HIPK2: variants seen among roughly 807,000 people sequenced by gnomAD.
HIPK2 encodes homeodomain interacting protein kinase 2.
In HIPK2, 27 loss-of-function variants were observed where a neutral mutation model predicts 113.7. The observed-to-expected ratio is 0.24, with a 90% CI of 0.17 to 0.33. HIPK2 has a LOEUF of 0.33. Among genes scored for constraint, HIPK2 ranks in the 10% least tolerant of loss-of-function variants. The probability of loss-of-function intolerance (pLI) is 1.00; values close to 1 mark genes in which losing one functional copy is unlikely to be tolerated. For synonymous variants in HIPK2, 631 were observed against 642.2 expected (o/e 0.98, Z 0.26); for missense variants, 1,257 against 1,588.0 (o/e 0.79, Z 3.54).
At chr7:139,588,573 A>G (rs1798914993) in intron 12 of HIPK2, among the ~76,000 whole-genome samples, 1 of 151,994 alleles carries the variant, frequency 6.6e-6, no homozygotes, top group Non-Finnish European at 1.5e-5. Flanking sequence ...ATCTCGAAAT[A>G]TTTTATAAAT....
chr7:139,675,497 C>T (rs1362245432), intron 2 of HIPK2, among the ~76,000 whole-genome samples: 17 of 152,094 alleles, frequency 1.1e-4, no homozygotes, highest in Non-Finnish European at 1.0e-4. Context: ...TTCTCACATG[C>T]GGACTCGACA....
chr7:139,665,662 C>T (rs1802024948), intron 2 of HIPK2, among the ~76,000 whole-genome samples: 1 of 152,148 alleles, frequency 6.6e-6, no homozygotes, highest in Non-Finnish European at 1.5e-5. Context: ...CAGAAATCTA[C>T]AAGCATTCTT....
intron 1 of HIPK2, among the ~76,000 whole-genome samples, chr7:139,733,193 C>A (rs1795845349): frequency 6.6e-6 from 1 of 152,152 alleles, no homozygotes; most frequent in South Asian, 2.1e-4. Flanking sequence ...TCTTGTACAG[C>A]CTGCAGAACC....
chr7:139,651,900 G>A (rs1801474817), intron 2 of HIPK2, among the ~76,000 whole-genome samples: 1 of 152,144 alleles, frequency 6.6e-6, no homozygotes, highest in Non-Finnish European at 1.5e-5. Flanking sequence ...GACCTCCGTG[G>A]AGAGGAACTG....
chr7:139,773,527 T>G (rs1383513377), intron 1 of HIPK2, among the ~76,000 whole-genome samples: 1 of 152,104 alleles, frequency 6.6e-6, no homozygotes, highest in African/African-American at 2.4e-5. Context: ...CAATAAGAAA[T>G]GCTCACATAT....
chr7:139,664,289 C>T (rs1266673135), intron 2 of HIPK2, among the ~76,000 whole-genome samples: 1 of 152,094 alleles, frequency 6.6e-6, no homozygotes, highest in Non-Finnish European at 1.5e-5. Flanking sequence ...GTAATCCCAG[C>T]AACTTTGGGA....
At chr7:139,601,649 C>T (rs187269754) in intron 10 of HIPK2, among the ~76,000 whole-genome samples, 23 of 152,278 alleles carry the variant, frequency 1.5e-4, no homozygotes, top group Non-Finnish European at 2.6e-4. Context: ...ATCCTAAAAA[C>T]GGGTTATGTT....
rs1321674764 is a variant in HIPK2 at position 139,568,585 on chromosome 7, C to T, written c.*4342G>A. 6.6e-6 allele frequency: 1 copy of T among 152,254 alleles called. No individual in the cohort carries two copies. Among genetic ancestry groups the T allele is most frequent in the Non-Finnish European group, 1.5e-5 (1 of 68,070 alleles). The allele number at this position is 152,254 out of a possible 1,614,324, so 9.4% of individuals were successfully genotyped here. ...TGACATTTCAAATCTTCCCCTCTTC[C>T]TCTGAACAATGTCTCTTCAAATGGG... On this transcript the variant is annotated 3_prime_UTR_variant, in exon 15 of 15. Transcript: ENST00000406875.
chr7:139,758,866 A>G (rs1569485334), intron 1 of HIPK2, among the ~76,000 whole-genome samples: 1 of 152,210 alleles, frequency 6.6e-6, no homozygotes. Context: ...AAAAAGTAAA[A>G]TTACAAAAGT....
At chr7:139,579,787 G>A (rs1349775577) in intron 13 of HIPK2, among the ~76,000 whole-genome samples, 1 of 152,148 alleles carries the variant, frequency 6.6e-6, no homozygotes, top group Non-Finnish European at 1.5e-5. Context: ...GCTATTCAGA[G>A]GCCGCAAATC....
intron 1 of HIPK2, among the ~76,000 whole-genome samples, chr7:139,735,750 C>T (rs1212312604): frequency 1.3e-5 from 2 of 152,168 alleles, no homozygotes; most frequent in Non-Finnish European, 2.9e-5. Context: ...CACCCCAAGG[C>T]GAAGCCAGGG....
At chr7:139,744,944 T>A (rs1449160196) in intron 1 of HIPK2, among the ~76,000 whole-genome samples, 1 of 152,240 alleles carries the variant, frequency 6.6e-6, no homozygotes, top group Non-Finnish European at 1.5e-5. Context: ...TTAAGCGGCA[T>A]CTCGCCAAAT....
chr7:139,732,370 T>C (rs1408005992), intron 1 of HIPK2, among the ~76,000 whole-genome samples: 1 of 152,128 alleles, frequency 6.6e-6, no homozygotes, highest in Non-Finnish European at 1.5e-5. Flanking sequence ...ACCCAACAAC[T>C]CCATGGCACG....
intron 2 of HIPK2, among the ~76,000 whole-genome samples, chr7:139,678,209 A>C (rs1802571264): frequency 1.3e-5 from 2 of 152,252 alleles, no homozygotes; most frequent in Middle Eastern, 3.4e-3. Flanking sequence ...TGCTGTGCAG[A>C]AGCTCTTTAG....
Position 139,673,045 on chromosome 7 carries a change from A to C in HIPK2, c.1104-41320T>G, listed in dbSNP as rs550113606. Among the ~76,000 whole-genome samples the C allele has an allele frequency of 7.5e-4, 114 of 152,092 alleles. 1 individual carries two copies. The highest frequency in any genetic ancestry group is 1.2e-3 in the Non-Finnish European group (80 of 67,958). ...TATTTTAACAGCAATAGATTTGTGG[A>C]GGACAGAAAGTCCTAGTGGCTAGAA... is the stretch of plus-strand genomic sequence containing the variant. On this transcript the variant is annotated intron_variant, in intron 2 of 14. Coordinates refer to ENST00000406875, the MANE Select transcript of HIPK2 (RefSeq NM_022740.5).
intron 12 of HIPK2, among the ~76,000 whole-genome samples, chr7:139,595,654 T>A (rs1458309016): frequency 6.6e-6 from 1 of 152,086 alleles, no homozygotes; most frequent in Non-Finnish European, 1.5e-5. Context: ...AGAAACAAAC[T>A]AAAACCACTG....
At chr7:139,698,053 C>A (rs1024980528) in intron 2 of HIPK2, among the ~76,000 whole-genome samples, 1 of 151,942 alleles carries the variant, frequency 6.6e-6, no homozygotes, top group African/African-American at 2.4e-5. Context: ...TAAGTAGAGA[C>A]AAGGTTTCGT....
chr7:139,613,268 T>C lies in HIPK2; in HGVS notation c.2046A>G (p.Ala682=). 1.2e-6 allele frequency: 2 copies of C among 1,613,816 alleles called. No individual in the cohort carries two copies. Among genetic ancestry groups the C allele is most frequent in the Non-Finnish European group, 1.7e-6 (2 of 1,179,830 alleles). The change falls in exon 9 of 15, where the codon GCA becomes GCG. Residue 682 remains alanine (A), a synonymous_variant. Coordinates refer to ENST00000406875, the MANE Select transcript of HIPK2 (RefSeq NM_022740.5). The surrounding 1 kb of genome is among the most constrained non-coding windows in gnomAD (Gnocchi z 4.2). ...CTGGGGCTTGAGTGACGATGGGAAC[T>C]GCATTTTCCATTCGCACCGAGTAGC... ...HAGYSVRMEN[A]VPIVTQAPGA... is the part of the protein sequence containing the mutation.
In HIPK2 at chr7:139,750,345, T is replaced by C. The variant is rs1796259426; in HGVS notation, c.19+27260A>G. On this transcript the variant is annotated intron_variant, in intron 1 of 14. Coordinates refer to ENST00000406875, the MANE Select transcript of HIPK2 (RefSeq NM_022740.5). ...ACAGATGTCAACCTTACCAGGTCGA[T>C]TCCTAAAGCCTCAATTGATGAGCTA... is the stretch of plus-strand genomic sequence containing the variant. Among the ~76,000 whole-genome samples, 2 of 152,236 alleles carry C rather than the reference T, an allele frequency of 1.3e-5. 1 individual carries two copies. Among genetic ancestry groups the C allele is most frequent in the Admixed American group, 1.3e-4 (2 of 15,288 alleles).
Sources: allele counts gnomAD v4.1 joint callset (sites outside exome capture counted in the v4.1 genomes callset), GRCh38; gene constraint gnomAD v4.1.1; non-coding constraint Gnocchi (gnomAD v3.1); transcripts MANE v1.5; gene names NCBI Gene and HGNC (gene_info 2026-07-23, HGNC 2026-07-21).